The following RHBDL2 variants were observed in gnomAD, a reference collection of about 807,000 sequenced individuals.
The protein encoded by RHBDL2 is rhomboid-related protein 2.
A neutral mutation model predicts 31.7 loss-of-function variants in RHBDL2; 26 were observed. The ratio of observed to expected loss-of-function variants is 0.82; its 90% CI spans 0.60 to 1.14. RHBDL2 has a LOEUF of 1.14. Among genes scored for constraint, RHBDL2 ranks in the 50% most tolerant of loss-of-function variants. RHBDL2 has a pLI of 0.00. For synonymous variants in RHBDL2, 123 were observed against 127.2 expected (o/e 0.97, Z 0.22); for missense variants, 336 against 364.4 (o/e 0.92, Z 0.63).
chr1:38,938,184 ATT>A (rs375706059), intron 1 of RHBDL2, among the ~76,000 whole-genome samples: 1 of 146,528 alleles, frequency 6.8e-6, no homozygotes, highest in African/African-American at 2.5e-5. Flanking sequence ...TGCCCAGCTA[ATT>A]TTTTTTTTTT....
intron 2 of RHBDL2, among the ~76,000 whole-genome samples, chr1:38,918,208 A>T (rs1416806147): frequency 2.0e-5 from 3 of 152,188 alleles, no homozygotes; most frequent in Non-Finnish European, 4.4e-5. Flanking sequence ...AGAACTCTTG[A>T]CTAATACAGT....
Position 38,919,159 on chromosome 1 carries a change from T to C in RHBDL2, c.54A>G (p.Arg18=). Residue 18 remains arginine, a synonymous_variant, in exon 2 of 8, where the codon AGA becomes AGG. Coordinates refer to ENST00000372990, the MANE Select transcript of RHBDL2 (RefSeq NM_017821.5). ...CTTCCTCCAGCTCTTCTTTCATCTC[T>C]CTCCCCATATTCAGATTCATGCTCT... ...EMESMNLNMG[R]EMKEELEEEE... is the part of the protein sequence containing the mutation. 6.2e-7 allele frequency: 1 copy of C among 1,614,044 alleles called. No homozygotes were observed. Among genetic ancestry groups the C allele is most frequent in the Non-Finnish European group, 8.5e-7 (1 of 1,180,010 alleles).
intron 4 of RHBDL2, among the ~76,000 whole-genome samples, chr1:38,901,818 C>T (rs976582876): frequency 2.0e-5 from 3 of 149,612 alleles, no homozygotes; most frequent in Admixed American, 6.7e-5. Context: ...GGTGACAGAG[C>T]GAGACTCCAT....
At chr1:38,923,458 T>C (rs895492753) in intron 1 of RHBDL2, among the ~76,000 whole-genome samples, 10 of 152,148 alleles carry the variant, frequency 6.6e-5, no homozygotes, top group Non-Finnish European at 1.5e-4. Flanking sequence ...GGGTCCAAGG[T>C]TTCCCTCCCT....
chr1:38,939,590 T>A (rs1643541673), intron 1 of RHBDL2, among the ~76,000 whole-genome samples: 1 of 151,786 alleles, frequency 6.6e-6, no homozygotes, highest in African/African-American at 2.4e-5. Flanking sequence ...GGTGAGAGAA[T>A]CAACTGAGAT....
intron 7 of RHBDL2, 34 bp downstream of exon 7, chr1:38,887,929 T>C (rs780011351): frequency 6.7e-7 from 1 of 1,482,882 alleles, no homozygotes; most frequent in African/African-American, 1.4e-5. Context: ...AGTAAACTAA[T>C]TTCTATTTTA....
chr1:38,894,096 C>CTA (rs1642885498), intron 5 of RHBDL2, among the ~76,000 whole-genome samples: 1 of 152,070 alleles, frequency 6.6e-6, no homozygotes, highest in South Asian at 2.1e-4. Context: ...TGACCATGAC[C>CTA]TACAGTAAGA....
rs373904234 is a variant in RHBDL2 at position 38,918,950 on chromosome 1, C to T, written c.246+17G>A. 1.1e-5 allele frequency: 18 copies of T among 1,605,452 alleles called. No homozygotes were observed. The highest frequency in any genetic ancestry group is 1.4e-5 in the Non-Finnish European group (17 of 1,174,154). ...CCCATGCCACTTACCCCGGTGCCCACCCCGCTCCCCATTCACCTCGGCCAG... is the reference window on the plus strand; with the variant it reads ...CCCATGCCACTTACCCCGGTGCCCATCCCGCTCCCCATTCACCTCGGCCAG... On this transcript the variant is annotated intron_variant, in intron 2 of 7. Coordinates refer to ENST00000372990, the MANE Select transcript of RHBDL2 (RefSeq NM_017821.5).
intron 1 of RHBDL2, among the ~76,000 whole-genome samples, chr1:38,923,464 TC>T (rs774281687): frequency 4.1e-4 from 63 of 152,174 alleles, no homozygotes; most frequent in Non-Finnish European, 9.1e-4. Context: ...AAGGTTTCCC[TC>T]CCTGGAGCCT....
At chr1:38,893,622 CAA>C (rs1642880163) in intron 5 of RHBDL2, among the ~76,000 whole-genome samples, 1 of 151,374 alleles carries the variant, frequency 6.6e-6, no homozygotes, top group African/African-American at 2.4e-5. Flanking sequence ...TAGTATTTAG[CAA>C]AGACTTAACT....
At chr1:38,906,498 C>T (rs754749665) in intron 4 of RHBDL2, among the ~76,000 whole-genome samples, 1 of 151,852 alleles carries the variant, frequency 6.6e-6, no homozygotes, top group African/African-American at 2.4e-5. Context: ...CACGGTGAAA[C>T]CCTGCCCCTA....
rs761150060 is a variant in RHBDL2, at chr1:38,919,190, T to G, written c.23A>C (p.Glu8Ala). 3 of 1,614,100 alleles carry G rather than the reference T, an allele frequency of 1.9e-6. No homozygotes were observed. The highest frequency in any genetic ancestry group is 2.5e-6 in the Non-Finnish European group (3 of 1,180,028). MAAVHDL[E>A]MESMNLNMGR... ...CATATTCAGATTCATGCTCTCCATC[T>G]CCAGATCATGAACAGCAGCCATTGT... Residue 8 changes from glutamate to alanine, a missense_variant, in exon 2 of 8, where the codon GAG becomes GCG. Coordinates refer to ENST00000372990, the MANE Select transcript of RHBDL2 (RefSeq NM_017821.5).
intron 1 of RHBDL2, among the ~76,000 whole-genome samples, chr1:38,934,717 GGGGGCCGAGGC>G (rs1450210114): frequency 6.6e-6 from 1 of 150,406 alleles, no homozygotes; most frequent in African/African-American, 2.5e-5. Context: ...CAGCATTTTG[GGGGGCCGAGGC>G]GGGCAGATCA....
chr1:38,894,442 C>G (rs534776791), intron 5 of RHBDL2, among the ~76,000 whole-genome samples: 13 of 151,884 alleles, frequency 8.6e-5, no homozygotes, highest in Non-Finnish European at 1.5e-4. Context: ...CCTGCCTCAG[C>G]CTCCAGAGTA....
At chr1:38,891,630 T>C (rs1003625186) in intron 6 of RHBDL2, among the ~76,000 whole-genome samples, 2 of 152,216 alleles carry the variant, frequency 1.3e-5, no homozygotes, top group African/African-American at 4.8e-5. Flanking sequence ...GAATTTGTTA[T>C]GAAGAAAAAA....
At chr1:38,930,328 C>T (rs1237912300) in intron 1 of RHBDL2, among the ~76,000 whole-genome samples, 2 of 152,132 alleles carry the variant, frequency 1.3e-5, no homozygotes, top group Non-Finnish European at 2.9e-5. Flanking sequence ...TTATTATTCC[C>T]ATTTTACAGG....
intron 7 of RHBDL2, among the ~76,000 whole-genome samples, chr1:38,887,715 G>A (rs546053790): frequency 2.6e-5 from 4 of 152,240 alleles, no homozygotes; most frequent in Non-Finnish European, 4.4e-5. Context: ...GAGCCACCAC[G>A]CCTGGCCATT....
At chr1:38,929,601 G>T in intron 1 of RHBDL2, 1 of 1,274,402 alleles carries the variant, frequency 7.8e-7, no homozygotes, top group Admixed American at 2.3e-5. Flanking sequence ...TGCCGGGGCT[G>T]AGACCCGCCT....
intron 3 of RHBDL2, 42 bp from the exon 4 acceptor site, chr1:38,911,476 C>A (rs1643140538): frequency 7.5e-7 from 1 of 1,339,986 alleles, no homozygotes; most frequent in Non-Finnish European, 1.1e-6. Context: ...ATGACTAAAC[C>A]AAGCAGTTAT....
Sources: gnomAD v4.1 joint callset for allele counts (sites outside exome capture counted in the v4.1 genomes callset) on GRCh38, gnomAD v4.1.1 for gene constraint, MANE v1.5 for transcripts, NCBI Gene and HGNC (gene_info 2026-07-23, HGNC 2026-07-21) for gene names.